MAPK8IP2: variants seen among roughly 807,000 people sequenced by gnomAD.
MAPK8IP2 encodes mitogen-activated protein kinase 8 interacting protein 2, also known as C-Jun-amino-terminal kinase-interacting protein 2.
A neutral mutation model predicts 75.6 loss-of-function variants in MAPK8IP2; 15 were observed. The ratio of observed to expected loss-of-function variants is 0.20; its 90% CI spans 0.13 to 0.31. The LOEUF is 0.31. Ranked by LOEUF, MAPK8IP2 falls within the 10% of genes least tolerant of loss-of-function variation. MAPK8IP2 has a pLI of 1.00. For synonymous variants in MAPK8IP2, 632 were observed against 554.5 expected (o/e 1.14, Z -1.96); for missense variants, 1,089 against 1,211.2 (o/e 0.90, Z 1.50).
chr22:50,604,024 G>T lies in MAPK8IP2; in HGVS notation c.725G>T (p.Gly242Val). 1 of 1,552,310 alleles carries T rather than the reference G, an allele frequency of 6.4e-7. No individual in the cohort carries two copies. Among genetic ancestry groups the T allele is most frequent in the Non-Finnish European group, 8.6e-7 (1 of 1,157,404 alleles). Residue 242 changes from glycine to valine, a missense_variant, in exon 5 of 12, where the codon GGA (glycine) becomes GTA (valine). Physicochemically the swap from Gly to Val is moderately radical, Grantham distance 109 (BLOSUM62 -3). Transcript: ENST00000329492. ...LRSRSSGGRG[G>V]RRSSQELSSP... is the part of the protein sequence containing the mutation. ...AGCCGCTCGAGCGGCGGCCGCGGGGGACGTCGCAGCAGCCAGGAGCTGTCC... is the reference window on the plus strand; with the variant it reads ...AGCCGCTCGAGCGGCGGCCGCGGGGTACGTCGCAGCAGCCAGGAGCTGTCC...
chr22:50,609,971 G>A (rs976281963), intron 10 of MAPK8IP2: 1 of 694,152 alleles, frequency 1.4e-6, no homozygotes, highest in Non-Finnish European at 2.7e-6. Flanking sequence ...AGGGAGAGTG[G>A]ACGCCCCTGG....
chr22:50,600,813 GA>G lies in MAPK8IP2; in HGVS notation c.-5del. 7.8e-7 allele frequency: 1 copy of G among 1,280,948 alleles called. No individual in the cohort carries two copies. 79.3% of individuals were successfully genotyped at this position (1,280,948 alleles called of 1,614,324 possible). On this transcript the variant is annotated 5_prime_UTR_variant, in exon 1 of 12. Transcript: ENST00000329492. ...CCGCCGCAGTCGCGGGCCTCTCCCGGAGAAGATGGCGGATCGCGCGGAGATG... is the reference window on the plus strand; with the variant it reads ...CCGCCGCAGTCGCGGGCCTCTCCCGGGAAGATGGCGGATCGCGCGGAGATG...
chr22:50,602,616 T>G (rs1292482422), intron 2 of MAPK8IP2, among the ~76,000 whole-genome samples: 1 of 152,108 alleles, frequency 6.6e-6, no homozygotes, highest in African/African-American at 2.4e-5. Context: ...TGCCCTGAGG[T>G]TAGCAGAGCC....
chr22:50,600,940 AC>A, intron 1 of MAPK8IP2, 57 bp downstream of exon 1: 1 of 616,636 alleles, frequency 1.6e-6, no homozygotes, highest in Non-Finnish European at 2.0e-6. Context: ...CACCCCCCCG[AC>A]CCCGACCCGG....
In MAPK8IP2 at chr22:50,604,015, G is replaced by T; in HGVS notation, c.716G>T (p.Gly239Val). 6.4e-7 allele frequency: 1 copy of T among 1,554,734 alleles called. No individual in the cohort carries two copies. The change falls in exon 5 of 12, where the codon GGC becomes GTC. Residue 239 changes from glycine (G) to valine (V), a missense_variant. Gly to Val is a moderately radical substitution (Grantham distance 109, BLOSUM62 -3). Coordinates refer to ENST00000329492, the MANE Select transcript of MAPK8IP2 (RefSeq NM_012324.6). ...EADLRSRSSG[G>V]RGGRRSSQEL... The stretch of plus-strand genomic sequence containing the variant: ...GACCTGAGAAGCCGCTCGAGCGGCG[G>T]CCGCGGGGGACGTCGCAGCAGCCAG...
At chr22:50,605,312 A>C in intron 5 of MAPK8IP2, 56 bp from the exon 6 acceptor site, 1 of 1,537,176 alleles carries the variant, frequency 6.5e-7, no homozygotes, top group Non-Finnish European at 8.9e-7. Context: ...GCCTCTAAGC[A>C]CTACTCTGAC....
chr22:50,604,790 G>A lies in MAPK8IP2; in HGVS notation c.1491G>A (p.Ser497=), dbSNP rs1388168034. 7 of 1,546,842 alleles carry A rather than the reference G, an allele frequency of 4.5e-6. No homozygotes were observed. The highest frequency in any genetic ancestry group is 4.1e-5 in the African/African-American group (3 of 73,012). ...CCGGGGGCAGGGGCACGGGCCCCTC[G>A]GCGCCGCGGGACGCGTCGCTGGTGT... is the stretch of plus-strand genomic sequence containing the variant. ...GSPGGRGTGP[S]APRDASLVYD... The change falls in exon 5 of 12, where the codon TCG becomes TCA. Residue 497 remains serine (S), a synonymous_variant. Transcript: ENST00000329492.
chr22:50,605,430 C>T lies in MAPK8IP2; in HGVS notation c.1828C>T (p.Arg610Trp), dbSNP rs753810766. 9.3e-6 allele frequency: 15 copies of T among 1,613,512 alleles called. No homozygotes were observed. The highest frequency in any genetic ancestry group is 4.0e-5 in the African/African-American group (3 of 74,938). The change falls in exon 6 of 12, where the codon CGG (arginine) becomes TGG (tryptophan). Residue 610 changes from arginine to tryptophan, a missense_variant. Transcript: ENST00000329492. ...CGGCGAGGAGCGAGAGCAGACTCAC[C>T]GGGCTGTGTTCAGGTACGGCCTCCC... Reference protein sequence around the residue: ...VNGEEREQTHRAVFRFIPRHP... With the variant: ...VNGEEREQTHWAVFRFIPRHP...
At position 50,604,089 on chromosome 22, in the gene MAPK8IP2, CTGGGG is replaced by C; in HGVS notation, c.791_795del (p.Leu264ProfsTer179). 6.5e-7 allele frequency: 1 copy of C among 1,548,548 alleles called. No individual in the cohort carries two copies. The highest frequency in any genetic ancestry group is 8.7e-7 in the Non-Finnish European group (1 of 1,155,796). Reference sequence around the variant, plus strand: ...CTCGGAGGACGCGGGCGGCGCGCGCCTGGGGCGCATGATCTCGTCCATCTCGGAGA... The same window carrying C: ...CTCGGAGGACGCGGGCGGCGCGCGCCCGCATGATCTCGTCCATCTCGGAGA... On this transcript the variant is annotated frameshift_variant, in exon 5 of 12. Coordinates refer to ENST00000329492, the MANE Select transcript of MAPK8IP2 (RefSeq NM_012324.6). LOFTEE classifies it high-confidence loss of function.
chr22:50,603,411 C>T lies in MAPK8IP2; in HGVS notation c.360C>T (p.Ala120=), dbSNP rs770254493. The T allele has an allele frequency of 1.2e-5, 19 of 1,560,596 alleles. No homozygotes were observed. The Admixed American group carries it at 3.2e-4, about 26-fold the overall frequency. ...GAGACCCTGGCTCAGAGGCACCTGC[C>T]CCCGGGCCCCTTATCCCCTCCCCTT... The part of the protein sequence containing the change: ...EGGDPGSEAP[A]PGPLIPSPSV... The change falls in exon 3 of 12, where the codon GCC becomes GCT. Residue 120 remains alanine (A), a synonymous_variant. Coordinates refer to ENST00000329492, the MANE Select transcript of MAPK8IP2 (RefSeq NM_012324.6).
Position 50,607,245 on chromosome 22 carries a change from T to C in MAPK8IP2, c.2303+254T>C, listed in dbSNP as rs2071068085. On this transcript the variant is annotated intron_variant, in intron 10 of 11. Coordinates refer to ENST00000329492, the MANE Select transcript of MAPK8IP2 (RefSeq NM_012324.6). The surrounding 1 kb of genome is among the most constrained non-coding windows in gnomAD (Gnocchi z 5.6). ...ACGGGCGAAGGATGTGAGAAGCCTGTGTGGGTGCAGAGGACGCCTGAGTGG... is the reference window on the plus strand; with the variant it reads ...ACGGGCGAAGGATGTGAGAAGCCTGCGTGGGTGCAGAGGACGCCTGAGTGG... Among the ~76,000 whole-genome samples, 1 of 151,922 alleles carries C rather than the reference T, an allele frequency of 6.6e-6. No individual in the cohort carries two copies. Among genetic ancestry groups the C allele is most frequent in the Non-Finnish European group, 1.5e-5 (1 of 67,968 alleles).
Position 50,611,109 on chromosome 22 carries a change from C to G in MAPK8IP2, c.*330C>G. 3.7e-6 allele frequency: 1 copy of G among 272,706 alleles called. No individual in the cohort carries two copies. The highest frequency in any genetic ancestry group is 6.9e-6 in the Non-Finnish European group (1 of 145,788). 16.9% of individuals were successfully genotyped at this position (272,706 alleles called of 1,614,324 possible). On this transcript the variant is annotated 3_prime_UTR_variant, in exon 12 of 12. Transcript: ENST00000329492. This position sits in a 1 kb window ranked among gnomAD's most constrained non-coding sequence, Gnocchi z 5.5. ...TGCAAACCTTATCCTCTATTCTTCA[C>G]TTTGGGGTCAGAACTTCGGGGGTGT...
At chr22:50,609,583 G>A (rs1170344733) in intron 10 of MAPK8IP2, 14 of 362,774 alleles carry the variant, frequency 3.9e-5, no homozygotes, top group Admixed American at 2.8e-4. Context: ...GGGAATGGAC[G>A]GGTCGGCCAG....
chr22:50,610,172 C>A lies in MAPK8IP2; in HGVS notation c.2304-40C>A. ...CATTTGTGGGGTGGCCAAGGCTGGGCCAGGGCTCTGACGTGCCCTCCACAC... is the reference window on the plus strand; with the variant it reads ...CATTTGTGGGGTGGCCAAGGCTGGGACAGGGCTCTGACGTGCCCTCCACAC... On this transcript the variant is annotated intron_variant, in intron 10 of 11. Coordinates refer to ENST00000329492, the MANE Select transcript of MAPK8IP2 (RefSeq NM_012324.6). This position sits in a 1 kb window ranked among gnomAD's most constrained non-coding sequence, Gnocchi z 4.3. 2 of 1,496,158 alleles carry A rather than the reference C, an allele frequency of 1.3e-6. No individual in the cohort carries two copies. Among genetic ancestry groups the A allele is most frequent in the Non-Finnish European group, 1.8e-6 (2 of 1,089,664 alleles). 92.7% of individuals were successfully genotyped at this position (1,496,158 alleles called of 1,614,324 possible). A position where few individuals can be genotyped will look rare whatever the true frequency, so the allele number is the denominator to read the frequency against.
chr22:50,601,471 C>CGG, intron 1 of MAPK8IP2: 3 of 291,412 alleles, frequency 1.0e-5, no homozygotes, highest in South Asian at 5.0e-5. Flanking sequence ...TCCCCCTCCC[C>CGG]TGCTCTGCAA....
rs1167854851 is a variant in MAPK8IP2, at chr22:50,604,720, A to G, written c.1421A>G (p.Glu474Gly). The G allele has an allele frequency of 3.9e-6, 6 of 1,533,646 alleles. No homozygotes were observed. In the East Asian group the frequency reaches 1.5e-4, roughly 38 times the overall value. Residue 474 changes from glutamate to glycine, a missense_variant, in exon 5 of 12, where the codon GAG (glutamate) becomes GGG (glycine). Physicochemically the swap from Glu to Gly is moderately conservative, Grantham distance 98. Coordinates refer to ENST00000329492, the MANE Select transcript of MAPK8IP2 (RefSeq NM_012324.6). ...SAACSEEEDE[E>G]DDEEEEDAED... The stretch of plus-strand genomic sequence containing the variant: ...GCCTGCTCCGAGGAGGAGGACGAAG[A>G]GGACGACGAGGAAGAGGAGGATGCC...
Position 50,605,453 on chromosome 22 carries a change from C to T in MAPK8IP2, c.1841+10C>T. Reference sequence around the variant, plus strand: ...ACCGGGCTGTGTTCAGGTACGGCCTCCCTCCTTGCTGGCGGTGGCCCCAGC... The same window carrying T: ...ACCGGGCTGTGTTCAGGTACGGCCTTCCTCCTTGCTGGCGGTGGCCCCAGC... On this transcript the variant is annotated intron_variant, in intron 6 of 11. Coordinates refer to ENST00000329492, the MANE Select transcript of MAPK8IP2 (RefSeq NM_012324.6). The T allele has an allele frequency of 6.8e-6, 11 of 1,613,138 alleles. No individual in the cohort carries two copies. Among genetic ancestry groups the T allele is most frequent in the Non-Finnish European group, 9.3e-6 (11 of 1,179,572 alleles).
In MAPK8IP2 at chr22:50,603,046, G is replaced by T. The variant is rs962033627; in HGVS notation, c.172-177G>T. 5.1e-6 allele frequency: 7 copies of T among 1,363,730 alleles called. No individual in the cohort carries two copies. The Admixed American group carries it at 9.6e-5, about 19-fold the overall frequency. 84.5% of individuals were successfully genotyped at this position (1,363,730 alleles called of 1,614,324 possible). On this transcript the variant is annotated intron_variant, in intron 2 of 11. Coordinates refer to ENST00000329492, the MANE Select transcript of MAPK8IP2 (RefSeq NM_012324.6). ...TTAGGCCCTTCCCAAGAACTGGAGTGATCCCAATGTGTGTTAGGCAGATTT... is the reference window on the plus strand; with the variant it reads ...TTAGGCCCTTCCCAAGAACTGGAGTTATCCCAATGTGTGTTAGGCAGATTT...
In MAPK8IP2 at chr22:50,604,310, G is replaced by A. The variant is rs1255207855; in HGVS notation, c.1011G>A (p.Ser337=). The A allele has an allele frequency of 1.3e-6, 2 of 1,547,596 alleles. No individual in the cohort carries two copies. The highest frequency in any genetic ancestry group is 1.9e-4 in the Middle Eastern group (1 of 5,348). Residue 337 remains serine (S), a synonymous_variant, in exon 5 of 12, where the codon TCG becomes TCA. Coordinates refer to ENST00000329492, the MANE Select transcript of MAPK8IP2 (RefSeq NM_012324.6). ...GCGAGTACGAGTCGGGGTCGGAGTC[G>A]GAGCCGGACCTCAGCGAGGACGCGG... ...TNSEYESGSE[S]EPDLSEDADS... is the part of the protein sequence containing the mutation.
Sources: allele counts gnomAD v4.1 joint callset (sites outside exome capture counted in the v4.1 genomes callset), GRCh38; gene constraint gnomAD v4.1.1; non-coding constraint Gnocchi (gnomAD v3.1); transcripts MANE v1.5; gene names NCBI Gene and HGNC (gene_info 2026-07-23, HGNC 2026-07-21).